The following MCCC2 variants were observed in gnomAD, a reference collection of about 807,000 sequenced individuals.
MCCC2 encodes the protein methylcrotonoyl-CoA carboxylase beta chain, mitochondrial.
Under a neutral mutation model 77.2 loss-of-function variants are expected in MCCC2, and 52 were observed. The observed-to-expected ratio is 0.67, with a 90% confidence interval of 0.54 to 0.85. The LOEUF (loss-of-function observed/expected upper bound fraction) is 0.85. Ranked by LOEUF, MCCC2 falls within the 40% of genes least tolerant of loss-of-function variation. The pLI, the probability that MCCC2 is intolerant of heterozygous loss-of-function variation, is 0.00. For missense variants in MCCC2, 682 were observed against 703.2 expected (o/e 0.97, Z 0.34); for synonymous variants, 253 against 248.4 (o/e 1.02, Z -0.18).
chr5:71,618,538 TTCCTTCCTTC>T (rs1197370994), intron 6 of MCCC2, among the ~76,000 whole-genome samples: 780 of 61,718 alleles, frequency 0.013, 20 homozygotes, highest in African/African-American at 0.035. Flanking sequence ...CCTTCCTTCC[TTCCTTCCTTC>T]CTTTCTTTCT....
At chr5:71,623,282 G>A (rs1020516838) in intron 6 of MCCC2, among the ~76,000 whole-genome samples, 1 of 152,150 alleles carries the variant, frequency 6.6e-6, no homozygotes, top group East Asian at 1.9e-4. Context: ...CTGTGCGTTG[G>A]GAGTCTGGGC....
Position 71,634,271 on chromosome 5 carries a change from G to A in MCCC2, c.804-672G>A, listed in dbSNP as rs180929958. The stretch of plus-strand genomic sequence containing the variant: ...CAGGACTAATAACCAGAGCAAGCCC[G>A]TACTTCATTCACTGCACTTGAAATT... On this transcript the variant is annotated intron_variant, in intron 8 of 16. Coordinates refer to ENST00000340941, the MANE Select transcript of MCCC2 (RefSeq NM_022132.5). Among the ~76,000 whole-genome samples the A allele has an allele frequency of 8.0e-4, 122 of 152,280 alleles. 1 individual carries two copies. Among genetic ancestry groups the A allele is most frequent in the Admixed American group, 2.7e-3 (41 of 15,300 alleles).
At position 71,604,446 on chromosome 5, in the gene MCCC2, T is replaced by C; in HGVS notation, c.602T>C (p.Met201Thr). Residue 201 changes from methionine (M) to threonine (T), a missense_variant, in exon 6 of 17, where the codon ATG becomes ACG. By Grantham distance (81) the Met-to-Thr change is moderately conservative (BLOSUM62 -1). Transcript: ENST00000340941. ...CGTACATTCTATAATCAGGCAATTA[T>C]GTCTTCTAAAAATATTGCACAGGTA... ...FGRTFYNQAI[M>T]SSKNIAQIAV... 1 of 1,614,072 alleles carries C rather than the reference T, an allele frequency of 6.2e-7. No individual in the cohort carries two copies. The highest frequency in any genetic ancestry group is 8.5e-7 in the Non-Finnish European group (1 of 1,179,916).
chr5:71,644,808 A>G (rs1177265791), intron 12 of MCCC2, among the ~76,000 whole-genome samples: 1 of 152,146 alleles, frequency 6.6e-6, no homozygotes, highest in Non-Finnish European at 1.5e-5. Context: ...GAAATTTTTT[A>G]TCAATAAAAT....
intron 1 of MCCC2, among the ~76,000 whole-genome samples, chr5:71,591,535 C>T (rs370406301): frequency 2.0e-5 from 3 of 149,002 alleles, no homozygotes; most frequent in Non-Finnish European, 3.0e-5. Context: ...CTCCCGGGTT[C>T]GAGGGATTCT....
chr5:71,641,156 C>A (rs1747112134), intron 11 of MCCC2, 81 bp downstream of exon 11: 5 of 1,266,636 alleles, frequency 3.9e-6, no homozygotes, highest in South Asian at 1.2e-5. Context: ...GACTTTGATA[C>A]ACTTGACATG....
In MCCC2 at chr5:71,639,611, T is replaced by C. The variant is rs536827654; in HGVS notation, c.1000-1392T>C. On this transcript the variant is annotated intron_variant, in intron 10 of 16. Transcript: ENST00000340941. ...GTTTTTGCTTTCTCGACATTATGGA[T>C]TTTTTGTGAAGATAAGTGAATGTAT... Among the ~76,000 whole-genome samples, 19 of 152,312 alleles carry C rather than the reference T, an allele frequency of 1.2e-4. No individual in the cohort carries two copies. In the East Asian group the frequency reaches 2.7e-3, roughly 22 times the overall value.
chr5:71,611,301 C>G (rs886412000), intron 6 of MCCC2, among the ~76,000 whole-genome samples: 3 of 152,136 alleles, frequency 2.0e-5, no homozygotes, highest in African/African-American at 7.2e-5. Context: ...TTTCAGGAGG[C>G]TGAGGTAGGA....
At chr5:71,628,736 A>T (rs1261590126) in intron 7 of MCCC2, among the ~76,000 whole-genome samples, 1 of 152,234 alleles carries the variant, frequency 6.6e-6, no homozygotes, top group Non-Finnish European at 1.5e-5. Context: ...ATAACAAGTT[A>T]ATAAGCTGTT....
rs1294097096 is a variant in MCCC2, at chr5:71,592,918, T to C, written c.130-8T>C. On this transcript the variant is annotated splice_polypyrimidine_tract_variant and splice_region_variant and intron_variant, in intron 1 of 16. Transcript: ENST00000340941. ...TTCTCTCCCCTGTCTCCTCTATTTC[T>C]GTTTTAGGAGAACTACAAGCAGATG... 3.1e-6 allele frequency: 5 copies of C among 1,602,458 alleles called. No individual in the cohort carries two copies. The South Asian group carries it at 5.5e-5, about 18-fold the overall frequency.
At chr5:71,624,946 C>T (rs1746489070) in intron 6 of MCCC2, among the ~76,000 whole-genome samples, 1 of 150,274 alleles carries the variant, frequency 6.7e-6, no homozygotes, top group African/African-American at 2.4e-5. Context: ...CACCCACCCC[C>T]ACCTCCCAAA....
intron 7 of MCCC2, among the ~76,000 whole-genome samples, chr5:71,627,960 C>T (rs1746587022): frequency 6.6e-6 from 1 of 152,172 alleles, no homozygotes; most frequent in Non-Finnish European, 1.5e-5. Flanking sequence ...TCTCCTGCCT[C>T]AGCCTCCCAA....
At chr5:71,592,691 T>C (rs1204525921) in intron 1 of MCCC2, among the ~76,000 whole-genome samples, 3 of 152,078 alleles carry the variant, frequency 2.0e-5, no homozygotes, top group African/African-American at 4.8e-5. Flanking sequence ...GAGTAAGATA[T>C]GGAGAGATGG....
chr5:71,648,950 A>G, intron 13 of MCCC2, 147 bp from the exon 14 acceptor site: 2 of 939,276 alleles, frequency 2.1e-6, no homozygotes, highest in Non-Finnish European at 1.7e-6. Context: ...CAAACTTTTT[A>G]ACGGTATGTT....
chr5:71,649,362 A>G (rs1219728928), intron 14 of MCCC2, 109 bp downstream of exon 14: 7 of 1,042,184 alleles, frequency 6.7e-6, no homozygotes, highest in Non-Finnish European at 7.4e-6. Context: ...CCCAGATCTC[A>G]ATCAATTATA....
chr5:71,633,127 A>ATT (rs1440841730), intron 8 of MCCC2, among the ~76,000 whole-genome samples: 3 of 63,816 alleles, frequency 4.7e-5, no homozygotes, highest in African/African-American at 1.6e-4. Flanking sequence ...ATATATATAT[A>ATT]TATATTTTTA....
At chr5:71,604,598 T>G (rs1745592540) in intron 6 of MCCC2, 130 bp downstream of exon 6, 6 of 702,294 alleles carry the variant, frequency 8.5e-6, no homozygotes, top group Non-Finnish European at 1.4e-5. Flanking sequence ...TTTTTTTTTA[T>G]ACTTTAGGTT....
At chr5:71,598,305 G>A (rs1328297663) in intron 3 of MCCC2, among the ~76,000 whole-genome samples, 2 of 151,860 alleles carry the variant, frequency 1.3e-5, no homozygotes, top group South Asian at 2.1e-4. Flanking sequence ...TCTTGACCTC[G>A]TGATCTGCCC....
intron 11 of MCCC2, among the ~76,000 whole-genome samples, chr5:71,643,479 A>G (rs1434214012): frequency 1.3e-5 from 2 of 152,230 alleles, no homozygotes; most frequent in Non-Finnish European, 2.9e-5. Flanking sequence ...ATTAAAAATG[A>G]TATTTTTATA....
Sources: allele counts gnomAD v4.1 joint callset (sites outside exome capture counted in the v4.1 genomes callset), GRCh38; gene constraint gnomAD v4.1.1; transcripts MANE v1.5; gene names NCBI Gene and HGNC (gene_info 2026-07-23, HGNC 2026-07-21).